Variants in MAPK10 observed in about 807,000 individuals in gnomAD.
The protein encoded by MAPK10 is JNK3 alpha protein kinase.
A neutral mutation model predicts 59.3 loss-of-function variants in MAPK10; 25 were observed. That is an observed-to-expected ratio of 0.42 (90% CI 0.31 to 0.59). MAPK10 has a LOEUF of 0.59. MAPK10 is among the 20% of genes least tolerant of loss of function. The probability of loss-of-function intolerance (pLI) is 0.15; values close to 1 mark genes in which losing one functional copy is unlikely to be tolerated. For synonymous variants in MAPK10, 190 were observed against 200.5 expected (o/e 0.95, Z 0.44); for missense variants, 351 against 568.9 (o/e 0.62, Z 3.90).
intron 1 of MAPK10, among the ~76,000 whole-genome samples, chr4:86,442,514 C>T (rs1749528793): frequency 6.6e-6 from 1 of 152,168 alleles, no homozygotes; most frequent in Admixed American, 6.5e-5. Flanking sequence ...ATATTACTCA[C>T]ATAGTGGGTG....
chr4:86,544,626 A>T (rs1012739209), intron 1 of MAPK10, among the ~76,000 whole-genome samples: 1 of 152,228 alleles, frequency 6.6e-6, no homozygotes, highest in African/African-American at 2.4e-5. Context: ...AAAATAAAAA[A>T]ACTAGAGTCA....
chr4:86,473,588 G>A (rs1013870066), intron 1 of MAPK10, among the ~76,000 whole-genome samples: 1 of 152,134 alleles, frequency 6.6e-6, no homozygotes, highest in African/African-American at 2.4e-5. Flanking sequence ...CCCAAACACT[G>A]TGACTCCCTA....
chr4:86,237,243 T>C (rs1249718839), intron 2 of MAPK10, among the ~76,000 whole-genome samples: 1 of 152,192 alleles, frequency 6.6e-6, no homozygotes, highest in African/African-American at 2.4e-5. Context: ...ACCACATTTA[T>C]CCAGTCTATT....
chr4:86,528,218 A>G (rs1757616689), intron 1 of MAPK10, among the ~76,000 whole-genome samples: 1 of 152,190 alleles, frequency 6.6e-6, no homozygotes, highest in Non-Finnish European at 1.5e-5. Flanking sequence ...AAGAAATGTA[A>G]CCATAGAATG....
rs1247329554 is a variant in MAPK10, at chr4:86,035,279, G to A, written c.1111-3848C>T. Among the ~76,000 whole-genome samples the A allele has an allele frequency of 2.7e-5, 4 of 148,028 alleles. No individual in the cohort carries two copies. The East Asian group carries it at 6.0e-4, about 22-fold the overall frequency. ...CCAGCTACTCGGGAGGCTGAGGCAG[G>A]AGAATCGCTTGAACCCGGGAGGTGG... On this transcript the variant is annotated intron_variant, in intron 11 of 13. Coordinates refer to ENST00000641462, the MANE Select transcript of MAPK10 (RefSeq NM_138982.4).
At chr4:86,123,385 C>A (rs553834089) in intron 4 of MAPK10, among the ~76,000 whole-genome samples, 1 of 152,084 alleles carries the variant, frequency 6.6e-6, no homozygotes, top group South Asian at 2.1e-4. Flanking sequence ...CTTTGACATA[C>A]TGATTTCATT....
intron 1 of MAPK10, among the ~76,000 whole-genome samples, chr4:86,460,205 C>T (rs1209596644): frequency 6.6e-6 from 1 of 152,132 alleles, no homozygotes. Flanking sequence ...TAAAATATAA[C>T]CCCCAAATAA....
upstream of MAPK10, among the ~76,000 whole-genome samples, chr4:86,361,420 T>C (rs1736935055): frequency 6.6e-6 from 1 of 152,184 alleles, no homozygotes; most frequent in Non-Finnish European, 1.5e-5. Context: ...TGCAAAAATA[T>C]GGATTGATAG....
chr4:86,435,490 G>T (rs529614304), intron 1 of MAPK10, among the ~76,000 whole-genome samples: 2 of 151,642 alleles, frequency 1.3e-5, no homozygotes, highest in Admixed American at 6.6e-5. Context: ...AGAGCAAAAC[G>T]CCATCTCACA....
chr4:86,062,695 T>C (rs1446357624), intron 11 of MAPK10, among the ~76,000 whole-genome samples: 2 of 152,112 alleles, frequency 1.3e-5, no homozygotes, highest in African/African-American at 4.8e-5. Context: ...TTATATAAAA[T>C]GTTTATCAAC....
intron 3 of MAPK10, among the ~76,000 whole-genome samples, chr4:86,174,751 A>G (rs1326351924): frequency 1.3e-5 from 2 of 152,166 alleles, no homozygotes; most frequent in Non-Finnish European, 2.9e-5. Flanking sequence ...TGGAATTTGA[A>G]TGACAGGAAA....
chr4:86,398,232 AAAAAAG>A (rs1236631261), intron 1 of MAPK10, among the ~76,000 whole-genome samples: 13 of 152,046 alleles, frequency 8.6e-5, no homozygotes, highest in African/African-American at 1.4e-4. Context: ...CAAACAAAAA[AAAAAAG>A]AAAAGAAAAG....
chr4:86,308,598 A>G (rs2095612274), intron 2 of MAPK10: 1 of 152,184 alleles, frequency 6.6e-6, no homozygotes, highest in African/African-American at 2.4e-5. Flanking sequence ...GACATGATTT[A>G]GTTAAATTAT....
intron 3 of MAPK10, among the ~76,000 whole-genome samples, chr4:86,163,546 A>G (rs1427058883): frequency 6.6e-6 from 1 of 152,142 alleles, no homozygotes; most frequent in Non-Finnish European, 1.5e-5. Flanking sequence ...AGAAAAAAAA[A>G]TTCATGTTGA....
chr4:86,359,288 C>CTCTCTCTGTGTGTGTGTG (rs796310826), intron 1 of MAPK10, among the ~76,000 whole-genome samples: 26 of 94,628 alleles, frequency 2.7e-4, no homozygotes, highest in African/African-American at 6.4e-4. Context: ...CTCTCTCTCT[C>CTCTCTCTGTGTGTGTGTG]TGTGTGTGTG....
At chr4:86,039,204 A>T (rs1406838119) in intron 11 of MAPK10, among the ~76,000 whole-genome samples, 2 of 152,214 alleles carry the variant, frequency 1.3e-5, no homozygotes, top group Non-Finnish European at 2.9e-5. Flanking sequence ...AAATACCTTC[A>T]CAAAAGTGAA....
intron 4 of MAPK10, chr4:86,123,549 C>T (rs1262967777): frequency 6.6e-6 from 1 of 151,930 alleles, no homozygotes; most frequent in Non-Finnish European, 1.5e-5. Flanking sequence ...TGCTACAACC[C>T]CACTGGTCTA....
intron 1 of MAPK10, among the ~76,000 whole-genome samples, chr4:86,577,140 C>T (rs1190395004): frequency 6.6e-6 from 1 of 151,944 alleles, no homozygotes; most frequent in Non-Finnish European, 1.5e-5. Context: ...CCCCCGCAAC[C>T]ACCCACCTCT....
intron 3 of MAPK10, among the ~76,000 whole-genome samples, chr4:86,185,254 G>T (rs10022904): frequency 6.6e-5 from 10 of 152,130 alleles, no homozygotes; most frequent in African/African-American, 1.9e-4. Flanking sequence ...TATATAGAAC[G>T]TTAGATACTG....
Sources: gnomAD v4.1 joint callset for allele counts (sites outside exome capture counted in the v4.1 genomes callset) on GRCh38, gnomAD v4.1.1 for gene constraint, MANE v1.5 for transcripts, NCBI Gene and HGNC (gene_info 2026-07-23, HGNC 2026-07-21) for gene names.